PEMT: variants seen among roughly 807,000 people sequenced by gnomAD.
PEMT encodes phospholipid methyltransferase.
In PEMT, 23 loss-of-function variants were observed where a neutral mutation model predicts 27.4. That is an observed-to-expected ratio of 0.84 (90% confidence interval 0.60 to 1.19). The LOEUF (loss-of-function observed/expected upper bound fraction) is 1.19. Ranked by LOEUF, PEMT falls within the 50% of genes most tolerant of loss-of-function variation. The pLI is 0.00. For missense variants in PEMT, 307 were observed against 310.1 expected (o/e 0.99, Z 0.07); for synonymous variants, 137 against 139.1 (o/e 0.98, Z 0.11).
chr17:17,577,562 G>A (rs1475243100), intron 1 of PEMT: 36 of 985,868 alleles, frequency 3.7e-5, no homozygotes, highest in African/African-American at 1.1e-4. Context: ...CACGCCACCC[G>A]CATACGGGGG....
intron 2 of PEMT, among the ~76,000 whole-genome samples, chr17:17,541,055 G>A (rs4646388): frequency 0.45 from 69,175 of 152,102 alleles, 16,364 homozygotes; most frequent in Non-Finnish European, 0.53. Context: ...GGCTGAGACG[G>A]GGACAGAGCC....
intron 3 of PEMT, among the ~76,000 whole-genome samples, chr17:17,521,210 C>A (rs1907239405): frequency 1.3e-5 from 2 of 152,180 alleles, no homozygotes; most frequent in South Asian, 2.1e-4. Context: ...CTCGACAAGT[C>A]AAAAATGGGG....
intron 2 of PEMT, among the ~76,000 whole-genome samples, chr17:17,537,745 T>C (rs1193139567): frequency 6.6e-6 from 1 of 152,238 alleles, no homozygotes; most frequent in African/African-American, 2.4e-5. Flanking sequence ...CAGACAAGCC[T>C]TCCAGCAGTA....
Position 17,505,640 on chromosome 17 carries a change from G to T in PEMT, c.*151C>A. The T allele has an allele frequency of 1.2e-6, 1 of 804,960 alleles. No individual in the cohort carries two copies. The highest frequency in any genetic ancestry group is 2.8e-5 in the South Asian group (1 of 36,194). 49.9% of individuals were successfully genotyped at this position (804,960 alleles called of 1,614,324 possible). A position where few individuals can be genotyped will look rare whatever the true frequency, so the allele number is the denominator to read the frequency against. ...ATGGCCATATGTCGGCACGTCCAGG[G>T]TCCCCAAGGCAGCAGGTTCCAAGGC... On this transcript the variant is annotated 3_prime_UTR_variant, in exon 7 of 7. Transcript: ENST00000255389.
intron 2 of PEMT, among the ~76,000 whole-genome samples, chr17:17,538,807 G>T (rs771530158): frequency 6.6e-6 from 1 of 152,106 alleles, no homozygotes; most frequent in Non-Finnish European, 1.5e-5. Flanking sequence ...CGCCTTCTTG[G>T]GTCAATATTT....
chr17:17,529,366 G>A (rs1428159573), intron 2 of PEMT, among the ~76,000 whole-genome samples: 1 of 152,206 alleles, frequency 6.6e-6, no homozygotes, highest in Non-Finnish European at 1.5e-5. Flanking sequence ...GGCAGCTCAG[G>A]GCAGCATCCA....
At chr17:17,570,611 A>G (rs1371180649) in intron 2 of PEMT, 2 of 985,310 alleles carry the variant, frequency 2.0e-6, no homozygotes, top group East Asian at 1.1e-4. Flanking sequence ...GCCTTGCACA[A>G]GAGAAGCCAG....
In PEMT at chr17:17,582,171, G is replaced by T. The variant is rs908298186; in HGVS notation, c.97-5144C>A. On this transcript the variant is annotated intron_variant, in intron 1 of 6. Transcript: ENST00000255389. This position sits in a 1 kb window ranked among gnomAD's most constrained non-coding sequence, Gnocchi z 4.9. Reference sequence around the variant, plus strand: ...ACCTCCTTCATACAACAGAGGTCCCGGCTTTCTGCTACCCAGTAATTCTAA... The same window carrying T: ...ACCTCCTTCATACAACAGAGGTCCCTGCTTTCTGCTACCCAGTAATTCTAA... 8 of 726,854 alleles carry T rather than the reference G, an allele frequency of 1.1e-5. No individual in the cohort carries two copies. The highest frequency in any genetic ancestry group is 1.3e-5 in the Non-Finnish European group (8 of 594,008). 45.0% of individuals were successfully genotyped at this position (726,854 alleles called of 1,614,324 possible).
chr17:17,531,902 T>C (rs1364213549), intron 2 of PEMT, among the ~76,000 whole-genome samples: 2 of 152,150 alleles, frequency 1.3e-5, no homozygotes, highest in Non-Finnish European at 2.9e-5. Context: ...TAAAGCTTCT[T>C]CTCTTCAAAA....
chr17:17,506,360 C>T, intron 5 of PEMT, 59 bp from the exon 6 acceptor site: 2 of 1,318,836 alleles, frequency 1.5e-6, no homozygotes, highest in Middle Eastern at 2.0e-4. Flanking sequence ...GGGCCACGGC[C>T]CACCTGCCCA....
chr17:17,510,725 G>A (rs1261060034), intron 4 of PEMT, among the ~76,000 whole-genome samples: 7 of 152,216 alleles, frequency 4.6e-5, no homozygotes, highest in Admixed American at 3.9e-4. Context: ...GGCCACTGGT[G>A]TTTGCAGGCT....
intron 2 of PEMT, among the ~76,000 whole-genome samples, chr17:17,527,928 C>T (rs1162169574): frequency 6.6e-6 from 1 of 152,216 alleles, no homozygotes; most frequent in African/African-American, 2.4e-5. Context: ...GCCTAATACC[C>T]AGCTGCAGTG....
At chr17:17,584,259 A>C (rs1304459484) in intron 1 of PEMT, among the ~76,000 whole-genome samples, 1 of 152,032 alleles carries the variant, frequency 6.6e-6, no homozygotes, top group Non-Finnish European at 1.5e-5. Context: ...TCCCGGGTTC[A>C]CGCCATTCTC....
At position 17,548,458 on chromosome 17, in the gene PEMT, C is replaced by A. The variant is rs941697099; in HGVS notation, c.205-26063G>T. Reference sequence around the variant, plus strand: ...TGCACTGGAGATCATGTCACCTGGGCCCTTGAGGGACCCAGAAGCTCCTCG... The same window carrying A: ...TGCACTGGAGATCATGTCACCTGGGACCTTGAGGGACCCAGAAGCTCCTCG... On this transcript the variant is annotated intron_variant, in intron 2 of 6. Coordinates refer to ENST00000255389, the MANE Select transcript of PEMT (RefSeq NM_148172.3). Among the ~76,000 whole-genome samples the A allele has an allele frequency of 7.0e-4, 106 of 152,308 alleles. 2 individuals carry two copies. Among genetic ancestry groups the A allele is most frequent in the African/African-American group, 2.4e-3 (100 of 41,570 alleles).
Position 17,512,877 on chromosome 17 carries a change from A to C in PEMT, c.321-223T>G, listed in dbSNP as rs781432927. Among the ~76,000 whole-genome samples, 22 of 152,296 alleles carry C rather than the reference A, an allele frequency of 1.4e-4. No homozygotes were observed. Among genetic ancestry groups the C allele is most frequent in the Admixed American group, 1.4e-3 (22 of 15,302 alleles). On this transcript the variant is annotated intron_variant, in intron 3 of 6. Transcript: ENST00000255389. This position sits in a 1 kb window ranked among gnomAD's most constrained non-coding sequence, Gnocchi z 6.3. ...GCCTGTCAGATTTTTAAATTTTTTCAAGAGAAGCCAGAAATCCTGACTCGT... is the reference window on the plus strand; with the variant it reads ...GCCTGTCAGATTTTTAAATTTTTTCCAGAGAAGCCAGAAATCCTGACTCGT...
chr17:17,539,605 G>A (rs1018131895), intron 2 of PEMT, among the ~76,000 whole-genome samples: 6 of 152,182 alleles, frequency 3.9e-5, no homozygotes, highest in Non-Finnish European at 2.9e-5. Context: ...GGGACTGCTC[G>A]TGGGATTTTG....
chr17:17,579,435 T>G (rs1911843922), intron 1 of PEMT, among the ~76,000 whole-genome samples: 1 of 152,072 alleles, frequency 6.6e-6, no homozygotes, highest in Non-Finnish European at 1.5e-5. Flanking sequence ...CCCAGCACTT[T>G]GGGAGGCCGA....
At chr17:17,567,329 G>A (rs762463511) in intron 2 of PEMT, among the ~76,000 whole-genome samples, 1 of 152,262 alleles carries the variant, frequency 6.6e-6, no homozygotes, top group Non-Finnish European at 1.5e-5. Context: ...ACGTTGCTCA[G>A]GCACCACAAT....
intron 2 of PEMT, among the ~76,000 whole-genome samples, chr17:17,564,440 A>G (rs1221981569): frequency 2.6e-5 from 4 of 152,020 alleles, no homozygotes; most frequent in African/African-American, 9.7e-5. Flanking sequence ...GAGATAATTT[A>G]CCTCCTTTGA....
Sources: gnomAD v4.1 joint callset for allele counts (sites outside exome capture counted in the v4.1 genomes callset) on GRCh38, gnomAD v4.1.1 for gene constraint, Gnocchi (gnomAD v3.1) non-coding constraint, MANE v1.5 for transcripts, NCBI Gene and HGNC (gene_info 2026-07-23, HGNC 2026-07-21) for gene names.